The following CACNA1C variants were observed in gnomAD, a reference collection of about 807,000 sequenced individuals.
The protein encoded by CACNA1C is voltage-dependent L-type calcium channel subunit alpha-1C.
In CACNA1C, 30 loss-of-function variants were observed where a neutral mutation model predicts 229.0. That is an observed-to-expected ratio of 0.13 (90% CI 0.10 to 0.18). The LOEUF (loss-of-function observed/expected upper bound fraction) is 0.18. Among genes scored for constraint, CACNA1C ranks in the 10% least tolerant of loss-of-function variants. CACNA1C has a pLI of 1.00. For missense variants in CACNA1C, 1,658 were observed against 2,845.0 expected, an observed-to-expected ratio of 0.58 and a Z score of 9.49; for synonymous variants, 1,114 against 1,132.5, an observed-to-expected ratio of 0.98 and a Z score of 0.33.
At chr12:2,188,092 A>C (rs557382915) in intron 3 of CACNA1C, among the ~76,000 whole-genome samples, 3 of 152,332 alleles carry the variant, frequency 2.0e-5, no homozygotes, top group Non-Finnish European at 4.4e-5. Flanking sequence ...GGAACTTCTT[A>C]TCAGCAGGTA....
Position 2,691,015 on chromosome 12 carries a change from CCGA to C in CACNA1C, c.6235_6237del (p.Asp2079del), listed in dbSNP as rs886049208. 6.2e-7 allele frequency: 1 copy of C among 1,600,606 alleles called. No homozygotes were observed. Among genetic ancestry groups the C allele is most frequent in the Non-Finnish European group, 8.5e-7 (1 of 1,173,818 alleles). On this transcript the variant is annotated inframe_deletion, in exon 47 of 47. Transcript: ENST00000399655. The stretch of plus-strand genomic sequence containing the variant: ...ACCATAGAGGAGATGGAGAGCGCGG[CCGA>C]CAACATCCTCAGCGGGGGCGCCCCA...
Position 2,595,485 on chromosome 12 carries a change from C to T in CACNA1C, c.2664-389C>T, listed in dbSNP as rs1248099815. Among the ~76,000 whole-genome samples, 1 of 152,114 alleles carries T rather than the reference C, an allele frequency of 6.6e-6. No individual in the cohort carries two copies. The highest frequency in any genetic ancestry group is 1.5e-5 in the Non-Finnish European group (1 of 68,028). Reference sequence around the variant, plus strand: ...CAGAGAGCCGGTTTGGCTGGCCTCTCAGCATACCCAGCTCCGGGTAGTCCT... The same window carrying T: ...CAGAGAGCCGGTTTGGCTGGCCTCTTAGCATACCCAGCTCCGGGTAGTCCT... On this transcript the variant is annotated intron_variant, in intron 19 of 46. Transcript: ENST00000399655. This position sits in a 1 kb window ranked among gnomAD's most constrained non-coding sequence, Gnocchi z 4.1.
intron 1 of CACNA1C, among the ~76,000 whole-genome samples, chr12:1,972,800 G>A (rs767777216): frequency 6.6e-6 from 1 of 152,078 alleles, no homozygotes; most frequent in Non-Finnish European, 1.5e-5. Context: ...AAAGAAGGAT[G>A]GAATGAAGGG....
chr12:2,501,209 C>CAAAAAAAAAAAAAAA (rs59324696), intron 7 of CACNA1C, among the ~76,000 whole-genome samples: 12 of 31,366 alleles, frequency 3.8e-4, no homozygotes, highest in Admixed American at 4.5e-4. Flanking sequence ...GACTCCACCT[C>CAAAAAAAAAAAAAAA]AAAAAAAAAA....
intron 3 of CACNA1C, among the ~76,000 whole-genome samples, chr12:2,313,283 G>A (rs1418531911): frequency 6.6e-6 from 1 of 152,156 alleles, no homozygotes; most frequent in African/African-American, 2.4e-5. Context: ...CATGTGGCAG[G>A]CATCCACTAC....
chr12:2,070,076 A>G (rs1251439225), intron 1 of CACNA1C, among the ~76,000 whole-genome samples: 1 of 152,162 alleles, frequency 6.6e-6, no homozygotes, highest in Non-Finnish European at 1.5e-5. Flanking sequence ...AAATGCTGGC[A>G]TTATAGGCTT....
At chr12:2,242,833 C>A (rs1242211257) in intron 3 of CACNA1C, among the ~76,000 whole-genome samples, 3 of 152,164 alleles carry the variant, frequency 2.0e-5, no homozygotes, top group African/African-American at 7.2e-5. Context: ...CTTGTAGTTT[C>A]AAAGTGCTTT....
At chr12:2,598,739 G>A (rs1156520281) in intron 21 of CACNA1C, among the ~76,000 whole-genome samples, 1 of 152,222 alleles carries the variant, frequency 6.6e-6, no homozygotes, top group Non-Finnish European at 1.5e-5. Context: ...GGACAGTTCA[G>A]TCACATCCAG....
chr12:2,255,366 C>T (rs139098638), intron 3 of CACNA1C, among the ~76,000 whole-genome samples: 214 of 152,148 alleles, frequency 1.4e-3, no homozygotes, highest in African/African-American at 4.7e-3. Flanking sequence ...GACCTGGGGT[C>T]ATTCGGGGTG....
intron 3 of CACNA1C, among the ~76,000 whole-genome samples, chr12:2,339,722 T>C (rs116452435): frequency 0.04 from 6,112 of 152,308 alleles, 400 homozygotes; most frequent in African/African-American, 0.14. Flanking sequence ...CATGAGGTGA[T>C]AGGAATTTTT....
intron 9 of CACNA1C, among the ~76,000 whole-genome samples, chr12:2,520,845 G>A (rs1000821954): frequency 3.9e-5 from 6 of 152,048 alleles, no homozygotes; most frequent in African/African-American, 1.5e-4. Context: ...GGGAAGCCAT[G>A]ACAGTCTTCT....
rs550934186 is a variant in CACNA1C, at chr12:2,023,196, C to T, written c.139+51995C>T. 7.9e-5 allele frequency among the ~76,000 whole-genome samples: 12 copies of T among 152,274 alleles called. No homozygotes were observed. In the South Asian group the frequency reaches 1.0e-3, roughly 13 times the overall value. Reference sequence around the variant, plus strand: ...GGTGGTGGTGCATCGAGTGTTCTGTCGTTCTGTAGGTTCATATGTTGGAGT... The same window carrying T: ...GGTGGTGGTGCATCGAGTGTTCTGTTGTTCTGTAGGTTCATATGTTGGAGT... On this transcript the variant is annotated intron_variant, in intron 1 of 46. Transcript: ENST00000682462.
chr12:2,566,128 C>G lies in CACNA1C; in HGVS notation c.1509-294C>G, dbSNP rs1333021662. Among the ~76,000 whole-genome samples, 1 of 152,244 alleles carries G rather than the reference C, an allele frequency of 6.6e-6. No individual in the cohort carries two copies. The highest frequency in any genetic ancestry group is 2.4e-5 in the African/African-American group (1 of 41,458). ...AAAAAAACTTCCATTTATTGAGCATCTTCAACTTCAAAGCAGCCAGATGCA... is the reference window on the plus strand; with the variant it reads ...AAAAAAACTTCCATTTATTGAGCATGTTCAACTTCAAAGCAGCCAGATGCA... On this transcript the variant is annotated intron_variant, in intron 11 of 46. Coordinates refer to ENST00000399655, the MANE Select transcript of CACNA1C (RefSeq NM_000719.7). The surrounding 1 kb of genome is among the most constrained non-coding windows in gnomAD (Gnocchi z 4.0).
intron 3 of CACNA1C, among the ~76,000 whole-genome samples, chr12:2,321,718 A>G (rs113585665): frequency 2.0e-5 from 3 of 152,206 alleles, no homozygotes; most frequent in African/African-American, 7.2e-5. Context: ...AGAAGGTGAC[A>G]TTTGAGCCGA....
At chr12:2,505,746 C>T (rs2099770224) in intron 8 of CACNA1C, among the ~76,000 whole-genome samples, 1 of 152,178 alleles carries the variant, frequency 6.6e-6, no homozygotes, top group South Asian at 2.1e-4. Flanking sequence ...TTCCTCAACC[C>T]ACTTTCTTCT....
chr12:2,690,103 G>A (rs2097737699), intron 46 of CACNA1C: 1 of 152,262 alleles, frequency 6.6e-6, no homozygotes, highest in African/African-American at 2.4e-5. Flanking sequence ...GCAGAAGCAA[G>A]GCAGGGGCAT....
In CACNA1C at chr12:2,493,661, T is replaced by G. The variant is rs866834049; in HGVS notation, c.1113+275T>G. On this transcript the variant is annotated intron_variant, in intron 7 of 46. Transcript: ENST00000399655. The surrounding 1 kb of genome is among the most constrained non-coding windows in gnomAD (Gnocchi z 4.6). Reference sequence around the variant, plus strand: ...AGTGCAAAACCCTGGTGTGCAGGCATGGATGAGCTGGCCAGGCTGGCACAA... The same window carrying G: ...AGTGCAAAACCCTGGTGTGCAGGCAGGGATGAGCTGGCCAGGCTGGCACAA... 9.9e-5 allele frequency among the ~76,000 whole-genome samples: 15 copies of G among 152,140 alleles called. No individual in the cohort carries two copies. The highest frequency in any genetic ancestry group is 3.6e-4 in the African/African-American group (15 of 41,422).
At chr12:2,421,388 G>T (rs1252041500) in intron 3 of CACNA1C, among the ~76,000 whole-genome samples, 1 of 152,212 alleles carries the variant, frequency 6.6e-6, no homozygotes, top group East Asian at 1.9e-4. Flanking sequence ...TTGCACGCTT[G>T]AAGTTTCATA....
chr12:2,105,630 C>T (rs1329592808), intron 1 of CACNA1C, among the ~76,000 whole-genome samples: 215 of 101,602 alleles, frequency 2.1e-3, no homozygotes, highest in African/African-American at 7.2e-3. Context: ...CACTGGGTGC[C>T]CACCCCGGGG....
Sources: allele counts gnomAD v4.1 joint callset (sites outside exome capture counted in the v4.1 genomes callset), GRCh38; gene constraint gnomAD v4.1.1; non-coding constraint Gnocchi (gnomAD v3.1); transcripts MANE v1.5; gene names NCBI Gene and HGNC (gene_info 2026-07-23, HGNC 2026-07-21).